Variants in VPS13B observed in about 807,000 individuals in gnomAD.
The protein encoded by VPS13B is vacuolar protein sorting 13 homolog B, also known as intermembrane lipid transfer protein VPS13B.
Under a neutral mutation model 426.4 loss-of-function variants are expected in VPS13B, and 285 were observed. The observed-to-expected ratio is 0.67, with a 90% confidence interval of 0.61 to 0.74. The LOEUF is 0.74. VPS13B is among the 30% of genes least tolerant of loss of function. The pLI is 0.00. For synonymous variants in VPS13B, 1,676 were observed against 1,676.4 expected, an observed-to-expected ratio of 1.00 and a Z score of 0.01; for missense variants, 4,537 against 4,782.6, an observed-to-expected ratio of 0.95 and a Z score of 1.51.
Position 99,467,482 on chromosome 8 carries a change from A to G in VPS13B, c.3514A>G (p.Thr1172Ala). Residue 1172 changes from threonine to alanine, a missense_variant, in exon 24 of 62, where the codon ACA becomes GCA. By Grantham distance (58) the Thr-to-Ala change is moderately conservative (BLOSUM62 0). Transcript: ENST00000357162. ...SIYTLLGKQV[T>A]LCLVEPMGCT... ...ATATACCCTTCTTGGAAAACAAGTG[A>G]CACTTTGCCTAGTGGAACCTATGGG... is the stretch of plus-strand genomic sequence containing the variant. The G allele has an allele frequency of 1.2e-6, 2 of 1,613,766 alleles. No individual in the cohort carries two copies. Among genetic ancestry groups the G allele is most frequent in the Non-Finnish European group, 1.7e-6 (2 of 1,179,786 alleles).
At chr8:99,038,613 G>C (rs769216028) in intron 3 of VPS13B, 47 bp downstream of exon 3, 11 of 1,403,176 alleles carry the variant, frequency 7.8e-6, no homozygotes, top group Non-Finnish European at 1.1e-5. Flanking sequence ...AATTTTAGTA[G>C]TATTTGACAT....
chr8:99,377,051 A>G (rs1279275695), intron 19 of VPS13B, among the ~76,000 whole-genome samples: 1 of 151,964 alleles, frequency 6.6e-6, no homozygotes. Flanking sequence ...TCATAAATTT[A>G]TTTGCTTTTA....
At chr8:99,067,735 A>G (rs949011208) in intron 3 of VPS13B, among the ~76,000 whole-genome samples, 1 of 152,218 alleles carries the variant, frequency 6.6e-6, no homozygotes, top group Non-Finnish European at 1.5e-5. Context: ...GTATAATTTA[A>G]CCCTTTTAAC....
intron 16 of VPS13B, among the ~76,000 whole-genome samples, chr8:99,182,017 A>T (rs1812971486): frequency 6.6e-6 from 1 of 152,212 alleles, no homozygotes; most frequent in South Asian, 2.1e-4. Flanking sequence ...CACCAAACAC[A>T]TAAAAAAGAA....
intron 21 of VPS13B, among the ~76,000 whole-genome samples, chr8:99,394,454 G>C (rs1438019544): frequency 6.6e-6 from 1 of 152,146 alleles, no homozygotes; most frequent in Non-Finnish European, 1.5e-5. Context: ...CTCGGAATGT[G>C]TTAACAGCAG....
intron 19 of VPS13B, among the ~76,000 whole-genome samples, chr8:99,306,338 G>T (rs980659425): frequency 5.3e-5 from 8 of 152,138 alleles, no homozygotes; most frequent in Middle Eastern, 3.4e-3. Context: ...GACTAGTGAG[G>T]TAGAGGTTAT....
chr8:99,841,233 A>G (rs192477654), intron 54 of VPS13B, among the ~76,000 whole-genome samples: 1 of 152,228 alleles, frequency 6.6e-6, no homozygotes, highest in East Asian at 1.9e-4. Context: ...AATTCACCTC[A>G]TAGCTTTAGC....
intron 35 of VPS13B, among the ~76,000 whole-genome samples, chr8:99,685,929 T>C (rs1279540133): frequency 6.6e-6 from 1 of 152,188 alleles, no homozygotes; most frequent in East Asian, 1.9e-4. Context: ...TGTCTGGGCA[T>C]TGGATAGTTA....
At chr8:99,696,816 T>C (rs771642728) in intron 35 of VPS13B, 21 of 1,380,610 alleles carry the variant, frequency 1.5e-5, no homozygotes, top group Non-Finnish European at 2.2e-5. Context: ...CTGGACAACC[T>C]GTCACGGCCG....
chr8:99,403,705 T>C (rs1815176268), intron 21 of VPS13B, among the ~76,000 whole-genome samples: 1 of 152,200 alleles, frequency 6.6e-6, no homozygotes, highest in African/African-American at 2.4e-5. Flanking sequence ...CCCTGTGTTC[T>C]GGGGCATGAG....
At chr8:99,117,702 CATATG>C (rs1173189778) in intron 7 of VPS13B, among the ~76,000 whole-genome samples, 6 of 152,088 alleles carry the variant, frequency 3.9e-5, no homozygotes, top group African/African-American at 1.2e-4. Flanking sequence ...AAAGATAATA[CATATG>C]ATATGATTCC....
chr8:99,848,947 G>C, intron 55 of VPS13B, 53 bp downstream of exon 55: 1 of 1,509,798 alleles, frequency 6.6e-7, no homozygotes, highest in Non-Finnish European at 9.2e-7. Context: ...CTGTTACAAA[G>C]TTGTAAACTT....
chr8:99,875,140 CA>C (rs1730219696), intron 61 of VPS13B: 1 of 469,316 alleles, frequency 2.1e-6, no homozygotes, highest in Non-Finnish European at 3.9e-6. Flanking sequence ...AGAATGTTAT[CA>C]AATCGTCAAC....
At chr8:99,791,932 C>T (rs1812559416) in intron 43 of VPS13B, among the ~76,000 whole-genome samples, 1 of 151,960 alleles carries the variant, frequency 6.6e-6, no homozygotes, top group African/African-American at 2.4e-5. Context: ...CCTAGGCATC[C>T]TAGGCTGCTA....
intron 40 of VPS13B, among the ~76,000 whole-genome samples, chr8:99,773,606 A>G (rs1305239399): frequency 1.3e-5 from 2 of 152,216 alleles, no homozygotes; most frequent in Non-Finnish European, 2.9e-5. Context: ...CTCACTGTCT[A>G]GGATATTTCC....
chr8:99,675,505 A>C (rs1419266113), intron 35 of VPS13B, among the ~76,000 whole-genome samples: 2 of 152,106 alleles, frequency 1.3e-5, no homozygotes, highest in African/African-American at 4.8e-5. Flanking sequence ...CAGGTTTGGA[A>C]AGGGTTCTGC....
At chr8:99,812,687 T>C (rs1813780036) in intron 44 of VPS13B, among the ~76,000 whole-genome samples, 1 of 152,220 alleles carries the variant, frequency 6.6e-6, no homozygotes, top group Non-Finnish European at 1.5e-5. Context: ...ATGTTTCCCA[T>C]CTTTTTGTTG....
chr8:99,710,673 A>G (rs1414484632), intron 36 of VPS13B, among the ~76,000 whole-genome samples: 6 of 152,044 alleles, frequency 3.9e-5, no homozygotes, highest in African/African-American at 1.4e-4. Flanking sequence ...TGTGAAATTC[A>G]TCACCACCCT....
At chr8:99,064,352 A>T (rs1052633901) in intron 3 of VPS13B, among the ~76,000 whole-genome samples, 5 of 152,158 alleles carry the variant, frequency 3.3e-5, no homozygotes, top group African/African-American at 1.2e-4. Context: ...GGAAGCTAAA[A>T]ACCTTGAAAA....
Sources: allele counts gnomAD v4.1 joint callset (sites outside exome capture counted in the v4.1 genomes callset), GRCh38; gene constraint gnomAD v4.1.1; transcripts MANE v1.5; gene names NCBI Gene and HGNC (gene_info 2026-07-23, HGNC 2026-07-21).